Variants in TMEM170B observed in about 807,000 individuals in gnomAD.
TMEM170B encodes the protein transmembrane protein 170B.
In TMEM170B, 6 loss-of-function variants were observed where a neutral mutation model predicts 13.0. The observed-to-expected ratio is 0.46, with a 90% CI of 0.25 to 0.91. The LOEUF (loss-of-function observed/expected upper bound fraction) is 0.91. TMEM170B is among the 40% of genes least tolerant of loss of function. The pLI, the probability that TMEM170B is intolerant of heterozygous loss-of-function variation, is 0.17. For missense variants in TMEM170B, 138 were observed against 165.2 expected (o/e 0.84, Z 0.90); for synonymous variants, 61 against 64.9 (o/e 0.94, Z 0.29).
intron 1 of TMEM170B, among the ~76,000 whole-genome samples, chr6:11,559,287 C>T (rs1205215393): frequency 6.6e-6 from 1 of 151,154 alleles, no homozygotes; most frequent in Non-Finnish European, 1.5e-5. Flanking sequence ...GCCTTGACCT[C>T]CTGGGCTCAA....
In TMEM170B at chr6:11,578,084, A is replaced by G. The variant is rs1247823647; in HGVS notation, c.*2523A>G. ...GAGCTGCTATATATGAATACAGTCT[A>G]CTTGGAAAGCTTTTTTTCAGTGAAC... On this transcript the variant is annotated 3_prime_UTR_variant, in exon 3 of 3. Transcript: ENST00000379426. The G allele has an allele frequency of 3.3e-5, 5 of 152,102 alleles. No homozygotes were observed. The highest frequency in any genetic ancestry group is 5.9e-5 in the Non-Finnish European group (4 of 67,974). The allele number at this position is 152,102 out of a possible 1,614,324, so 9.4% of individuals were successfully genotyped here. A position where few individuals can be genotyped will look rare whatever the true frequency, so the allele number is the denominator to read the frequency against.
chr6:11,538,244 C>G lies in TMEM170B; in HGVS notation c.-34C>G. On this transcript the variant is annotated 5_prime_UTR_variant, in exon 1 of 3. Transcript: ENST00000379426. ...CGCAGCCGCCGCCGCCGCCCGGCAC[C>G]CGAGGAGAGGGCGGCGGGCGCCCCT... 1 of 1,239,566 alleles carries G rather than the reference C, an allele frequency of 8.1e-7. No individual in the cohort carries two copies. The allele number at this position is 1,239,566 out of a possible 1,614,324, so 76.8% of individuals were successfully genotyped here.
chr6:11,539,302 A>T lies in TMEM170B; in HGVS notation c.97+928A>T, dbSNP rs189855615. Among the ~76,000 whole-genome samples the T allele has an allele frequency of 1.8e-4, 28 of 152,318 alleles. No individual in the cohort carries two copies. The East Asian group carries it at 5.2e-3, about 28-fold the overall frequency. ...CAGTGCCTGCTTTTCAGAGGAAAAA[A>T]ATCTTAAAAAAATACTCAGAATTTA... On this transcript the variant is annotated intron_variant, in intron 1 of 2. Transcript: ENST00000379426.
At chr6:11,563,972 A>G (rs1759704215) in intron 1 of TMEM170B, among the ~76,000 whole-genome samples, 1 of 152,222 alleles carries the variant, frequency 6.6e-6, no homozygotes, top group Admixed American at 6.5e-5. Context: ...TCTGCCTTAA[A>G]AAAAAACAAC....
At position 11,559,872 on chromosome 6, in the gene TMEM170B, G is replaced by T. The variant is rs1459096991; in HGVS notation, c.98-5794G>T. 2.6e-5 allele frequency among the ~76,000 whole-genome samples: 4 copies of T among 151,952 alleles called. No homozygotes were observed. In the East Asian group the frequency reaches 7.7e-4, roughly 29 times the overall value. On this transcript the variant is annotated intron_variant, in intron 1 of 2. Coordinates refer to ENST00000379426, the MANE Select transcript of TMEM170B (RefSeq NM_001100829.3). ...AATATATAAATGGTATTTTCAGCTT[G>T]ATTTCTAGAATGTTTAGTGCATAGT...
At chr6:11,546,014 A>C (rs1759435482) in intron 1 of TMEM170B, among the ~76,000 whole-genome samples, 1 of 128,622 alleles carries the variant, frequency 7.8e-6, no homozygotes, top group African/African-American at 2.8e-5. Flanking sequence ...TCCGTCTTTA[A>C]AAAAAAAAAA....
intron 1 of TMEM170B, among the ~76,000 whole-genome samples, chr6:11,539,484 A>G (rs187026327): frequency 2.3e-4 from 35 of 152,356 alleles, no homozygotes; most frequent in Admixed American, 2.3e-3. Flanking sequence ...ATAGAATACA[A>G]ACATTCATAG....
At chr6:11,550,136 C>G (rs991885715) in intron 1 of TMEM170B, among the ~76,000 whole-genome samples, 2 of 151,804 alleles carry the variant, frequency 1.3e-5, no homozygotes, top group Non-Finnish European at 2.9e-5. Context: ...CAGTGCCCTG[C>G]CTCTAATTTT....
At position 11,577,368 on chromosome 6, in the gene TMEM170B, T is replaced by G. The variant is rs1759893714; in HGVS notation, c.*1807T>G. The stretch of plus-strand genomic sequence containing the variant: ...GCCTGAAATTGTTTTCATGTGTTCT[T>G]TATATTCCTGATGTTTTTACAAATT... On this transcript the variant is annotated 3_prime_UTR_variant, in exon 3 of 3. Coordinates refer to ENST00000379426, the MANE Select transcript of TMEM170B (RefSeq NM_001100829.3). 1 of 152,148 alleles carries G rather than the reference T, an allele frequency of 6.6e-6. No individual in the cohort carries two copies. The highest frequency in any genetic ancestry group is 1.5e-5 in the Non-Finnish European group (1 of 67,968). The allele number at this position is 152,148 out of a possible 1,614,324, so 9.4% of individuals were successfully genotyped here.
chr6:11,547,286 G>A (rs529797090), intron 1 of TMEM170B, among the ~76,000 whole-genome samples: 43 of 152,262 alleles, frequency 2.8e-4, no homozygotes, highest in African/African-American at 9.9e-4. Flanking sequence ...TACTGGTATA[G>A]TCAGCACCTT....
chr6:11,554,363 T>G (rs1466414220), intron 1 of TMEM170B, among the ~76,000 whole-genome samples: 3 of 151,958 alleles, frequency 2.0e-5, no homozygotes, highest in African/African-American at 7.2e-5. Context: ...TGGTTACTGT[T>G]ATAATTTCAT....
At chr6:11,564,914 G>A (rs1056342933) in intron 1 of TMEM170B, among the ~76,000 whole-genome samples, 1 of 152,164 alleles carries the variant, frequency 6.6e-6, no homozygotes, top group Non-Finnish European at 1.5e-5. Context: ...AGTATGGTCA[G>A]GGAGAAGGAG....
chr6:11,578,966 G>A lies in TMEM170B; in HGVS notation c.*3405G>A, dbSNP rs1759917033. 6.6e-6 allele frequency: 1 copy of A among 151,884 alleles called. No individual in the cohort carries two copies. Among genetic ancestry groups the A allele is most frequent in the South Asian group, 2.1e-4 (1 of 4,816 alleles). 9.4% of individuals were successfully genotyped at this position (151,884 alleles called of 1,614,324 possible). A position where few individuals can be genotyped will look rare whatever the true frequency, so the allele number is the denominator to read the frequency against. On this transcript the variant is annotated 3_prime_UTR_variant, in exon 3 of 3. Transcript: ENST00000379426. ...ATTCTATTTTGTAAACACTTCGTGT[G>A]GATCCACTATGTAAAGTGCTCTACC... is the stretch of plus-strand genomic sequence containing the variant.
chr6:11,574,669 C>T (rs777703055), intron 2 of TMEM170B, among the ~76,000 whole-genome samples: 7 of 152,058 alleles, frequency 4.6e-5, no homozygotes, highest in African/African-American at 9.7e-5. Flanking sequence ...TAAAGTTAGC[C>T]GCTTAGATAC....
At position 11,583,508 on chromosome 6, in the gene TMEM170B, T is replaced by C; in HGVS notation, c.*7947T>C. 1 of 152,302 alleles carries C rather than the reference T, an allele frequency of 6.6e-6. No individual in the cohort carries two copies. Among genetic ancestry groups the C allele is most frequent in the East Asian group, 1.9e-4 (1 of 5,188 alleles). 9.4% of individuals were successfully genotyped at this position (152,302 alleles called of 1,614,324 possible). On this transcript the variant is annotated 3_prime_UTR_variant, in exon 3 of 3. Coordinates refer to ENST00000379426, the MANE Select transcript of TMEM170B (RefSeq NM_001100829.3). The stretch of plus-strand genomic sequence containing the variant: ...TCATGCACTTATATATAAATAAACC[T>C]GTCTTTGAAAGCTTTATGGGGTGTT...
At chr6:11,563,382 G>T (rs1252278822) in intron 1 of TMEM170B, among the ~76,000 whole-genome samples, 3 of 151,968 alleles carry the variant, frequency 2.0e-5, no homozygotes, top group Non-Finnish European at 2.9e-5. Context: ...GTGATGTGTG[G>T]TTTTTTTCCC....
In TMEM170B at chr6:11,538,238, C is replaced by A; in HGVS notation, c.-40C>A. 2 of 1,176,250 alleles carry A rather than the reference C, an allele frequency of 1.7e-6. No homozygotes were observed. The highest frequency in any genetic ancestry group is 2.1e-6 in the Non-Finnish European group (2 of 934,736). The allele number at this position is 1,176,250 out of a possible 1,614,324, so 72.9% of individuals were successfully genotyped here. ...GAGCCTCGCAGCCGCCGCCGCCGCC[C>A]GGCACCCGAGGAGAGGGCGGCGGGC... is the stretch of plus-strand genomic sequence containing the variant. On this transcript the variant is annotated 5_prime_UTR_variant, in exon 1 of 3. Transcript: ENST00000379426.
At chr6:11,557,571 G>C (rs1281339719) in intron 1 of TMEM170B, among the ~76,000 whole-genome samples, 1 of 152,196 alleles carries the variant, frequency 6.6e-6, no homozygotes, top group Non-Finnish European at 1.5e-5. Flanking sequence ...GGTCAGTAAT[G>C]TAATTGTGCA....
intron 1 of TMEM170B, among the ~76,000 whole-genome samples, chr6:11,549,607 G>A (rs888469099): frequency 9.2e-5 from 14 of 151,636 alleles, no homozygotes; most frequent in Non-Finnish European, 1.9e-4. Flanking sequence ...AGCTTGCAGC[G>A]AGCCGAGATG....
Sources: gnomAD v4.1 joint callset for allele counts (sites outside exome capture counted in the v4.1 genomes callset) on GRCh38, gnomAD v4.1.1 for gene constraint, MANE v1.5 for transcripts, NCBI Gene and HGNC (gene_info 2026-07-23, HGNC 2026-07-21) for gene names.